The following SASH1 variants were observed in gnomAD, a reference collection of about 807,000 sequenced individuals.
SASH1 encodes the protein SAM and SH3 domain containing 1.
In SASH1, 44 loss-of-function variants were observed where a neutral mutation model predicts 125.2. The observed-to-expected ratio is 0.35, with a 90% CI of 0.28 to 0.45. SASH1 has a LOEUF of 0.45. SASH1 is among the 20% of genes least tolerant of loss of function. The pLI is 1.00. For synonymous variants in SASH1, 639 were observed against 649.1 expected, an observed-to-expected ratio of 0.98 and a Z score of 0.24; for missense variants, 1,426 against 1,614.5, an observed-to-expected ratio of 0.88 and a Z score of 2.00.
At chr6:148,300,340 G>A (rs1392454674) in intron 1 of SASH1, among the ~76,000 whole-genome samples, 1 of 151,720 alleles carries the variant, frequency 6.6e-6, no homozygotes, top group Non-Finnish European at 1.5e-5. Context: ...TTTCCCCTCC[G>A]TAATATTCTC....
intron 9 of SASH1, among the ~76,000 whole-genome samples, chr6:148,515,925 C>A (rs1484501060): frequency 2.0e-5 from 3 of 152,192 alleles, no homozygotes; most frequent in Non-Finnish European, 4.4e-5. Context: ...GGCAAAGTAT[C>A]TAGTCCTGGG....
At chr6:148,436,441 G>C (rs571046352) in intron 2 of SASH1, among the ~76,000 whole-genome samples, 3 of 152,048 alleles carry the variant, frequency 2.0e-5, no homozygotes, top group South Asian at 4.2e-4. Context: ...GAAGGTCAAG[G>C]CTGCAGTGAG....
At chr6:148,353,224 C>T (rs546507332) in intron 1 of SASH1, among the ~76,000 whole-genome samples, 37 of 151,652 alleles carry the variant, frequency 2.4e-4, no homozygotes, top group African/African-American at 6.3e-4. Flanking sequence ...TGCATTACCA[C>T]GCTCAGCTTA....
chr6:148,229,133 C>CAACATCTCAA, the SASH1 span, among the ~76,000 whole-genome samples: 1 of 60,968 alleles, frequency 1.6e-5, no homozygotes, highest in Non-Finnish European at 3.0e-5. Flanking sequence ...GACTCCATCT[C>CAACATCTCAA]AAAAAAAAAA....
upstream of SASH1, among the ~76,000 whole-genome samples, chr6:148,339,200 T>C (rs1363833868): frequency 6.6e-6 from 1 of 151,770 alleles, no homozygotes; most frequent in Non-Finnish European, 1.5e-5. Context: ...CATGCTGCCA[T>C]GCCCAGCTAA....
intron 1 of SASH1, among the ~76,000 whole-genome samples, chr6:148,357,130 G>T (rs951804901): frequency 3.3e-5 from 5 of 152,154 alleles, no homozygotes; most frequent in African/African-American, 1.2e-4. Context: ...CCCACTCTGT[G>T]GGTTGTCTGT....
At position 148,400,170 on chromosome 6, in the gene SASH1, C is replaced by G. The variant is rs147598191; in HGVS notation, c.285+9908C>G. 3.0e-3 allele frequency among the ~76,000 whole-genome samples: 463 copies of G among 152,310 alleles called. 3 individuals carry two copies. Among genetic ancestry groups the G allele is most frequent in the African/African-American group, 0.01 (431 of 41,558 alleles). On this transcript the variant is annotated intron_variant, in intron 2 of 19. Coordinates refer to ENST00000367467, the MANE Select transcript of SASH1 (RefSeq NM_015278.5). ...GATCTATGTCATTTAGCGGTGATGT[C>G]AACAGTCTACATTTGAGACTGTAGG...
the SASH1 span, among the ~76,000 whole-genome samples, chr6:148,212,019 C>T: frequency 6.6e-6 from 1 of 152,194 alleles, no homozygotes. Context: ...TGTCCCCTCT[C>T]AGCTTCAGGA....
the SASH1 span, among the ~76,000 whole-genome samples, chr6:148,246,108 T>C: frequency 6.6e-6 from 1 of 152,196 alleles, no homozygotes; most frequent in South Asian, 2.1e-4. Flanking sequence ...TATTTTTCTC[T>C]TCTCTTCTCT....
the SASH1 span, among the ~76,000 whole-genome samples, chr6:148,199,834 A>G: frequency 2.0e-5 from 3 of 152,028 alleles, no homozygotes; most frequent in Non-Finnish European, 2.9e-5. Context: ...GAGGAAAGAA[A>G]GAAAAGAAAA....
At chr6:148,220,670 T>C in the SASH1 span, among the ~76,000 whole-genome samples, 1 of 152,126 alleles carries the variant, frequency 6.6e-6, no homozygotes, top group Non-Finnish European at 1.5e-5. Context: ...ATCCCAGCAC[T>C]TTGGGAGGCT....
intron 8 of SASH1, 43 bp from the exon 9 acceptor site, chr6:148,514,281 G>A (rs755235301): frequency 7.6e-6 from 12 of 1,586,770 alleles, no homozygotes; most frequent in African/African-American, 2.8e-5. Flanking sequence ...GGCAAAGCTC[G>A]GAGCAATTAC....
chr6:148,281,353 G>A (rs991412606), intron 1 of SASH1, among the ~76,000 whole-genome samples: 1 of 151,978 alleles, frequency 6.6e-6, no homozygotes, highest in African/African-American at 2.4e-5. Flanking sequence ...CTCAATTAAG[G>A]GTCAGATGGA....
intron 1 of SASH1, among the ~76,000 whole-genome samples, chr6:148,314,871 C>T (rs938802266): frequency 1.3e-5 from 2 of 151,526 alleles, no homozygotes; most frequent in East Asian, 3.9e-4. Context: ...ATTCTCCTGC[C>T]TCAGCCTCCC....
At chr6:148,336,992 A>G (rs1781176004) in intron 1 of SASH1, among the ~76,000 whole-genome samples, 1 of 152,184 alleles carries the variant, frequency 6.6e-6, no homozygotes. Context: ...TATACTCTAA[A>G]TACCCCACAA....
At chr6:148,268,937 G>A (rs1778999127), upstream of SASH1, among the ~76,000 whole-genome samples, 1 of 152,198 alleles carries the variant, frequency 6.6e-6, no homozygotes, top group African/African-American at 2.4e-5. Context: ...GCTGGATCCA[G>A]TTTGAATTAT....
At chr6:148,440,713 T>A (rs1776508524) in intron 4 of SASH1, 1 of 332,524 alleles carries the variant, frequency 3.0e-6, no homozygotes, top group Non-Finnish European at 5.5e-6. Flanking sequence ...TGGATTTTCA[T>A]CTTTTACATT....
chr6:148,540,116 G>A (rs1782128512), intron 16 of SASH1, among the ~76,000 whole-genome samples: 1 of 151,994 alleles, frequency 6.6e-6, no homozygotes, highest in African/African-American at 2.4e-5. Context: ...GAAGGGTCTG[G>A]GAGCCCCACT....
intron 2 of SASH1, among the ~76,000 whole-genome samples, chr6:148,425,168 C>A (rs1304666111): frequency 1.3e-5 from 2 of 152,150 alleles, no homozygotes; most frequent in African/African-American, 4.8e-5. Flanking sequence ...TGGTGGGAGG[C>A]AGCTCTGGAC....
Sources: allele counts gnomAD v4.1 joint callset (sites outside exome capture counted in the v4.1 genomes callset), GRCh38; gene constraint gnomAD v4.1.1; transcripts MANE v1.5; gene names NCBI Gene and HGNC (gene_info 2026-07-23, HGNC 2026-07-21).